The following APBB2 variants were observed in gnomAD, a reference collection of about 807,000 sequenced individuals.
APBB2 encodes the protein Fe65-like 1.
APBB2 carries 38 observed loss-of-function variants against 82.5 expected under a neutral mutation model. The observed-to-expected ratio is 0.46, with a 90% CI of 0.36 to 0.60. The LOEUF (loss-of-function observed/expected upper bound fraction) is 0.60, where lower values mean the gene tolerates loss of function less well. APBB2 is among the 20% of genes least tolerant of loss of function. The pLI, the probability that APBB2 is intolerant of heterozygous loss-of-function variation, is 0.00. For missense variants in APBB2, 772 were observed against 972.3 expected, an observed-to-expected ratio of 0.79 and a Z score of 2.74; for synonymous variants, 341 against 368.2, an observed-to-expected ratio of 0.93 and a Z score of 0.85.
chr4:41,099,387 C>T (rs2153966716), intron 3 of APBB2, among the ~76,000 whole-genome samples: 1 of 152,254 alleles, frequency 6.6e-6, no homozygotes, highest in East Asian at 1.9e-4. Context: ...CACCACCATA[C>T]CCAGCTAATT....
At chr4:41,052,266 T>TG (rs1440118131) in intron 4 of APBB2, among the ~76,000 whole-genome samples, 5 of 145,512 alleles carry the variant, frequency 3.4e-5, no homozygotes, top group African/African-American at 1.2e-4. Context: ...CTCACTTCAC[T>TG]GATAGGCTCT....
rs759827967 is a variant in APBB2, at chr4:40,816,238, C to A, written c.2134G>T (p.Val712Leu). ...ACMLRYQKCL[V>L]ARPPSQKVRP... ...ACTTTCTGAGAAGGCGGCCTGGCTACCAAGCACTTCTGATATCGTAACTGA... is the reference window on the plus strand; with the variant it reads ...ACTTTCTGAGAAGGCGGCCTGGCTAACAAGCACTTCTGATATCGTAACTGA... Residue 712 changes from valine (V) to leucine (L), a missense_variant, in exon 18 of 18, where the codon GTA becomes TTA. Physicochemically the swap from Val to Leu is conservative, Grantham distance 32. Coordinates refer to ENST00000508593, the MANE Select transcript of APBB2 (RefSeq NM_004307.2). 1 of 1,614,070 alleles carries A rather than the reference C, an allele frequency of 6.2e-7. No individual in the cohort carries two copies. The highest frequency in any genetic ancestry group is 1.7e-5 in the Admixed American group (1 of 60,008).
chr4:40,832,682 AAGATGGGTG>A lies in APBB2; in HGVS notation c.1530-2114_1530-2106del, dbSNP rs1752439673. ...CCATCCCCTTGCCAGGACTCAGCTG[AAGATGGGTG>A]AGAGCCTGGAAGGTTCCTCGCACAC... On this transcript the variant is annotated intron_variant, in intron 12 of 17. Coordinates refer to ENST00000508593, the MANE Select transcript of APBB2 (RefSeq NM_004307.2). This position sits in a 1 kb window ranked among gnomAD's most constrained non-coding sequence, Gnocchi z 4.8. Among the ~76,000 whole-genome samples the A allele has an allele frequency of 6.6e-6, 1 of 152,196 alleles. No individual in the cohort carries two copies. Among genetic ancestry groups the A allele is most frequent in the Non-Finnish European group, 1.5e-5 (1 of 68,034 alleles).
chr4:41,092,613 C>A (rs567597092), intron 3 of APBB2, among the ~76,000 whole-genome samples: 35 of 150,802 alleles, frequency 2.3e-4, no homozygotes, highest in Non-Finnish European at 4.6e-4. Context: ...CGCTTGAACC[C>A]GAGAGGCGGA....
chr4:40,858,528 T>G (rs1197955935), intron 12 of APBB2, among the ~76,000 whole-genome samples: 1 of 149,218 alleles, frequency 6.7e-6, no homozygotes, highest in Non-Finnish European at 1.5e-5. Flanking sequence ...ATATTCAAAG[T>G]CTCATACGCT....
intron 3 of APBB2, among the ~76,000 whole-genome samples, chr4:41,072,995 C>T (rs933217677): frequency 6.6e-6 from 1 of 152,164 alleles, no homozygotes; most frequent in African/African-American, 2.4e-5. Context: ...TCTACAAATA[C>T]GAATTACACC....
At chr4:40,818,126 G>A (rs75561220) in intron 17 of APBB2, among the ~76,000 whole-genome samples, 1,889 of 152,254 alleles carry the variant, frequency 0.012, 33 homozygotes, top group African/African-American at 0.039. Context: ...TCAAAAGAAC[G>A]TTAGTGTCAA....
At chr4:41,175,910 T>C (rs1356493133) in intron 1 of APBB2, among the ~76,000 whole-genome samples, 1 of 152,166 alleles carries the variant, frequency 6.6e-6, no homozygotes, top group Non-Finnish European at 1.5e-5. Context: ...AACTGAAAAC[T>C]GTGTAGATCA....
intron 5 of APBB2, among the ~76,000 whole-genome samples, chr4:41,031,498 T>TAAA (rs1241737763): frequency 6.6e-6 from 1 of 152,214 alleles, no homozygotes; most frequent in Non-Finnish European, 1.5e-5. Context: ...AGCTGTTATT[T>TAAA]AAAAACCAGG....
chr4:40,852,351 C>CA lies in APBB2; in HGVS notation c.1530-21775dup, dbSNP rs771660810. Reference sequence around the variant, plus strand: ...GGGTGACAGAGCAAAACTCTGTCTTCAAAAAAAAAAAAAAAAAAAAGTAAT... The same window carrying CA: ...GGGTGACAGAGCAAAACTCTGTCTTCAAAAAAAAAAAAAAAAAAAAAGTAAT... On this transcript the variant is annotated intron_variant, in intron 12 of 17. Coordinates refer to ENST00000508593, the MANE Select transcript of APBB2 (RefSeq NM_004307.2). 7.4e-3 allele frequency among the ~76,000 whole-genome samples: 695 copies of CA among 93,874 alleles called. 12 individuals carry two copies. Among genetic ancestry groups the CA allele is most frequent in the East Asian group, 0.061 (190 of 3,116 alleles). The allele number at this position is 93,874 out of a possible 152,430, so 61.6% of individuals were successfully genotyped here.
At chr4:41,134,536 G>A (rs1303330753) in intron 2 of APBB2, among the ~76,000 whole-genome samples, 1 of 152,080 alleles carries the variant, frequency 6.6e-6, no homozygotes, top group East Asian at 1.9e-4. Flanking sequence ...CCACTTCATA[G>A]GCAGTGCTTT....
At chr4:40,993,310 T>C (rs1342594022) in intron 6 of APBB2, among the ~76,000 whole-genome samples, 1 of 152,018 alleles carries the variant, frequency 6.6e-6, no homozygotes, top group East Asian at 1.9e-4. Context: ...AGAGAAGAGA[T>C]TTCCAGTAGT....
intron 17 of APBB2, among the ~76,000 whole-genome samples, chr4:40,821,330 G>A (rs1047391003): frequency 5.3e-5 from 8 of 152,236 alleles, no homozygotes; most frequent in South Asian, 4.1e-4. Context: ...ATCCAGGCTC[G>A]GCTCTGTCAC....
At chr4:40,990,593 C>T (rs1801747260) in intron 6 of APBB2, among the ~76,000 whole-genome samples, 1 of 152,148 alleles carries the variant, frequency 6.6e-6, no homozygotes, top group Non-Finnish European at 1.5e-5. Context: ...TTTCGCACTT[C>T]CAGAAGGCTT....
chr4:41,121,114 T>G (rs1202255286), intron 2 of APBB2, among the ~76,000 whole-genome samples: 1 of 152,250 alleles, frequency 6.6e-6, no homozygotes, highest in Non-Finnish European at 1.5e-5. Context: ...GTGGCTAAAA[T>G]TCAATGCTTG....
At chr4:41,013,342 T>C (rs1471825481) in intron 6 of APBB2, among the ~76,000 whole-genome samples, 1 of 152,220 alleles carries the variant, frequency 6.6e-6, no homozygotes, top group Non-Finnish European at 1.5e-5. Context: ...AGGATCTGTT[T>C]ATTTTACAAA....
At chr4:40,941,340 T>A (rs1786855293) in intron 7 of APBB2, among the ~76,000 whole-genome samples, 1 of 152,226 alleles carries the variant, frequency 6.6e-6, no homozygotes, top group Non-Finnish European at 1.5e-5. Context: ...CATTAGCACC[T>A]GAGACAATGA....
chr4:41,176,348 A>G lies in APBB2; in HGVS notation c.-416-33206T>C, dbSNP rs1239506304. 2.6e-5 allele frequency among the ~76,000 whole-genome samples: 4 copies of G among 151,682 alleles called. No individual in the cohort carries two copies. The East Asian group carries it at 7.7e-4, about 29-fold the overall frequency. On this transcript the variant is annotated intron_variant, in intron 1 of 17. Coordinates refer to ENST00000508593, the MANE Select transcript of APBB2 (RefSeq NM_004307.2). ...CCTAGTAACATTATATCTACACCCAATTCCCATAAAGAATGTATTTTTTTT... is the reference window on the plus strand; with the variant it reads ...CCTAGTAACATTATATCTACACCCAGTTCCCATAAAGAATGTATTTTTTTT...
At chr4:41,057,800 C>G (rs1487200824) in intron 4 of APBB2, among the ~76,000 whole-genome samples, 1 of 152,198 alleles carries the variant, frequency 6.6e-6, no homozygotes, top group Non-Finnish European at 1.5e-5. Context: ...TCTCCTTTCC[C>G]TTCTGGAGGC....
Sources: gnomAD v4.1 joint callset for allele counts (sites outside exome capture counted in the v4.1 genomes callset) on GRCh38, gnomAD v4.1.1 for gene constraint, Gnocchi (gnomAD v3.1) non-coding constraint, MANE v1.5 for transcripts, NCBI Gene and HGNC (gene_info 2026-07-23, HGNC 2026-07-21) for gene names.